Variants in CNTNAP2 observed in about 807,000 individuals in gnomAD.
CNTNAP2 encodes the protein contactin-associated protein-like 2.
A neutral mutation model predicts 155.2 loss-of-function variants in CNTNAP2; 98 were observed. The observed-to-expected ratio is 0.63, with a 90% CI of 0.54 to 0.75. The LOEUF (loss-of-function observed/expected upper bound fraction) is 0.75, where lower values mean the gene tolerates loss of function less well. Ranked by LOEUF, CNTNAP2 falls within the 30% of genes least tolerant of loss-of-function variation. CNTNAP2 has a pLI of 0.00. For synonymous variants in CNTNAP2, 651 were observed against 631.2 expected (o/e 1.03, Z -0.47); for missense variants, 1,727 against 1,688.1 (o/e 1.02, Z -0.40).
intron 4 of CNTNAP2, among the ~76,000 whole-genome samples, chr7:147,092,368 T>C (rs967383361): frequency 6.6e-6 from 1 of 152,224 alleles, no homozygotes; most frequent in Non-Finnish European, 1.5e-5. Context: ...ATATTTCCAA[T>C]ATCTCAGGCC....
chr7:147,525,386 C>G lies in CNTNAP2; in HGVS notation c.1778-36752C>G, dbSNP rs566862815. The stretch of plus-strand genomic sequence containing the variant: ...AAATCATATTATAAGTGGGCAAAGA[C>G]AAGGAAAGACAGAAATAGAGACAAA... On this transcript the variant is annotated intron_variant, in intron 11 of 23. Transcript: ENST00000361727. Among the ~76,000 whole-genome samples, 51 of 152,118 alleles carry G rather than the reference C, an allele frequency of 3.4e-4. No individual in the cohort carries two copies. In the South Asian group the frequency reaches 0.011, roughly 32 times the overall value.
intron 15 of CNTNAP2, among the ~76,000 whole-genome samples, chr7:148,040,894 C>T (rs1343355603): frequency 6.6e-6 from 1 of 152,034 alleles, no homozygotes; most frequent in East Asian, 1.9e-4. Flanking sequence ...GTAATCCCAG[C>T]ACTTTGGGAT....
rs545864947 is a variant in CNTNAP2 at position 147,860,316 on chromosome 7, C to T, written c.2099-43249C>T. Among the ~76,000 whole-genome samples the T allele has an allele frequency of 2.6e-5, 4 of 152,154 alleles. No homozygotes were observed. In the South Asian group the frequency reaches 8.3e-4, roughly 32 times the overall value. On this transcript the variant is annotated intron_variant, in intron 13 of 23. Coordinates refer to ENST00000361727, the MANE Select transcript of CNTNAP2 (RefSeq NM_014141.6). ...GGTCTGCGCCTGTAATCCCAGTGTT[C>T]AGGAGGCTGAGGCAGAAGAATCGTT...
In CNTNAP2 at chr7:148,233,767, G is replaced by A. The variant is rs560244178; in HGVS notation, c.3381+3988G>A. Among the ~76,000 whole-genome samples the A allele has an allele frequency of 2.6e-5, 4 of 152,248 alleles. No homozygotes were observed. In the South Asian group the frequency reaches 8.3e-4, roughly 32 times the overall value. On this transcript the variant is annotated intron_variant, in intron 20 of 23. Coordinates refer to ENST00000361727, the MANE Select transcript of CNTNAP2 (RefSeq NM_014141.6). ...TCATTATTCCCATCTGATGTGTTTTGGAATGTGTCCCTGTCCAAATCTCAT... is the reference window on the plus strand; with the variant it reads ...TCATTATTCCCATCTGATGTGTTTTAGAATGTGTCCCTGTCCAAATCTCAT...
At chr7:147,226,309 CCTT>C (rs1057107395) in intron 8 of CNTNAP2, among the ~76,000 whole-genome samples, 22 of 152,140 alleles carry the variant, frequency 1.4e-4, no homozygotes, top group Non-Finnish European at 2.6e-4. Context: ...CCAGTGAAAA[CCTT>C]CTACTGCTTG....
At chr7:147,553,678 G>A (rs938861404) in intron 11 of CNTNAP2, among the ~76,000 whole-genome samples, 1 of 152,154 alleles carries the variant, frequency 6.6e-6, no homozygotes, top group Non-Finnish European at 1.5e-5. Flanking sequence ...ATTAGTAGGT[G>A]TTCCTAAAAT....
chr7:147,007,020 G>T (rs945866663), intron 3 of CNTNAP2, among the ~76,000 whole-genome samples: 2 of 152,114 alleles, frequency 1.3e-5, no homozygotes. Context: ...GCATAAAGAG[G>T]TGTTACCAGT....
intron 15 of CNTNAP2, among the ~76,000 whole-genome samples, chr7:148,114,639 A>G (rs1415330196): frequency 1.3e-5 from 2 of 152,184 alleles, no homozygotes; most frequent in African/African-American, 4.8e-5. Context: ...ATTCCTCAGA[A>G]CAGGACTCAG....
chr7:147,719,714 A>G (rs534495337), intron 13 of CNTNAP2, among the ~76,000 whole-genome samples: 10 of 152,260 alleles, frequency 6.6e-5, no homozygotes, highest in African/African-American at 1.9e-4. Flanking sequence ...AATATTAAAA[A>G]CAAGAGTAAA....
intron 3 of CNTNAP2, among the ~76,000 whole-genome samples, chr7:146,878,936 C>T (rs903410734): frequency 1.1e-4 from 17 of 152,166 alleles, no homozygotes; most frequent in South Asian, 2.1e-4. Context: ...TTACCTTTTG[C>T]GAACTTTATT....
At chr7:147,456,483 T>C (rs1797920041) in intron 10 of CNTNAP2, among the ~76,000 whole-genome samples, 1 of 152,176 alleles carries the variant, frequency 6.6e-6, no homozygotes, top group Admixed American at 6.5e-5. Flanking sequence ...GAAAACCTTT[T>C]AACCTTAATT....
chr7:147,903,311 T>A (rs1319193703), intron 13 of CNTNAP2, among the ~76,000 whole-genome samples: 1 of 152,220 alleles, frequency 6.6e-6, no homozygotes, highest in Non-Finnish European at 1.5e-5. Context: ...TAGCCCACTT[T>A]TTGATGGGAT....
chr7:147,215,181 G>C (rs1158768254), intron 8 of CNTNAP2, among the ~76,000 whole-genome samples: 2 of 152,158 alleles, frequency 1.3e-5, no homozygotes, highest in Non-Finnish European at 2.9e-5. Context: ...GGTTACAATT[G>C]ATGAGCCTAT....
chr7:146,790,630 C>T (rs181237562), intron 2 of CNTNAP2, among the ~76,000 whole-genome samples: 1,556 of 147,966 alleles, frequency 0.011, 12 homozygotes, highest in Non-Finnish European at 0.017. Context: ...AGTGCAGTGG[C>T]GCGATCTCAG....
chr7:147,373,366 G>T (rs965284854), intron 9 of CNTNAP2, among the ~76,000 whole-genome samples: 1 of 151,950 alleles, frequency 6.6e-6, no homozygotes, highest in African/African-American at 2.4e-5. Context: ...ACCAGAAGTT[G>T]ATGTAGTTTT....
chr7:148,391,354 C>T (rs930849964), intron 22 of CNTNAP2, among the ~76,000 whole-genome samples: 3 of 135,436 alleles, frequency 2.2e-5, no homozygotes, highest in African/African-American at 3.4e-5. Flanking sequence ...AAAGATCACC[C>T]CAAGCGCTAG....
chr7:146,200,353 G>A (rs1208639564), intron 1 of CNTNAP2, among the ~76,000 whole-genome samples: 2 of 152,072 alleles, frequency 1.3e-5, no homozygotes, highest in Non-Finnish European at 2.9e-5. Context: ...AATTAGCTGG[G>A]CATGGTGGTA....
chr7:146,947,907 GCAA>G (rs957061475), intron 3 of CNTNAP2, among the ~76,000 whole-genome samples: 9 of 151,766 alleles, frequency 5.9e-5, no homozygotes, highest in South Asian at 2.1e-4. Context: ...ATTTGTTTCA[GCAA>G]CAACAACAAC....
intron 13 of CNTNAP2, among the ~76,000 whole-genome samples, chr7:147,717,229 A>C (rs1217437367): frequency 6.6e-6 from 1 of 152,114 alleles, no homozygotes; most frequent in Non-Finnish European, 1.5e-5. Context: ...TGAAAGCTGC[A>C]GTGACTACAG....
Sources: gnomAD v4.1 joint callset for allele counts (sites outside exome capture counted in the v4.1 genomes callset) on GRCh38, gnomAD v4.1.1 for gene constraint, MANE v1.5 for transcripts, NCBI Gene and HGNC (gene_info 2026-07-23, HGNC 2026-07-21) for gene names.